The following VPS13B variants were observed in gnomAD, a reference collection of about 807,000 sequenced individuals.
VPS13B encodes intermembrane lipid transfer protein VPS13B.
VPS13B carries 285 observed loss-of-function variants against 426.4 expected under a neutral mutation model. That is an observed-to-expected ratio of 0.67 (90% CI 0.61 to 0.74). The LOEUF (loss-of-function observed/expected upper bound fraction) is 0.74, where lower values mean the gene tolerates loss of function less well. Ranked by LOEUF, VPS13B falls within the 30% of genes least tolerant of loss-of-function variation. VPS13B has a pLI of 0.00. For synonymous variants in VPS13B, 1,676 were observed against 1,676.4 expected (o/e 1.00, Z 0.01); for missense variants, 4,537 against 4,782.6 (o/e 0.95, Z 1.51).
intron 7 of VPS13B, among the ~76,000 whole-genome samples, chr8:99,116,217 A>G (rs1847646591): frequency 6.7e-6 from 1 of 149,016 alleles, no homozygotes; most frequent in South Asian, 2.1e-4. Flanking sequence ...TTTTTTTAGT[A>G]GAGATGGGTT....
intron 60 of VPS13B, 104 bp downstream of exon 60, chr8:99,870,991 G>T: frequency 6.8e-6 from 8 of 1,171,420 alleles, no homozygotes. Flanking sequence ...GAGCCCAGGA[G>T]TAGCCATTGT....
chr8:99,431,460 C>G, intron 21 of VPS13B, 77 bp from the exon 22 acceptor site: 1 of 1,538,442 alleles, frequency 6.5e-7, no homozygotes, highest in South Asian at 1.2e-5. Flanking sequence ...AAGAAACAAT[C>G]TTGAAAATAC....
chr8:99,219,540 T>C (rs767962234), intron 17 of VPS13B, among the ~76,000 whole-genome samples: 2 of 152,260 alleles, frequency 1.3e-5, no homozygotes, highest in Non-Finnish European at 2.9e-5. Context: ...ATCATAGTTC[T>C]GGAGGCTGAG....
Position 99,784,495 on chromosome 8 carries a change from T to C in VPS13B, c.7941+19T>C. ...CCCACAGGTATTTGAGAAACACCCT[T>C]ACAAACAGCCATTGTTAAGGTTGGG... On this transcript the variant is annotated intron_variant, in intron 43 of 61. Coordinates refer to ENST00000357162, the MANE Select transcript of VPS13B (RefSeq NM_152564.5). The C allele has an allele frequency of 6.2e-7, 1 of 1,613,446 alleles. No individual in the cohort carries two copies. Among genetic ancestry groups the C allele is most frequent in the Non-Finnish European group, 8.5e-7 (1 of 1,179,520 alleles).
At chr8:99,248,859 C>T (rs76071379) in intron 17 of VPS13B, among the ~76,000 whole-genome samples, 1 of 152,168 alleles carries the variant, frequency 6.6e-6, no homozygotes, top group African/African-American at 2.4e-5. Context: ...TTGAGCTTCT[C>T]CCCCACTCCC....
chr8:99,624,811 T>C lies in VPS13B; in HGVS notation c.5221-17000T>C, dbSNP rs1409542995. ...TGTTGTCCTTGTCCTTATTTTGCTTTTTTTTTTTTTTTTCCCCCTTCCTGA... is the reference window on the plus strand; with the variant it reads ...TGTTGTCCTTGTCCTTATTTTGCTTCTTTTTTTTTTTTTCCCCCTTCCTGA... On this transcript the variant is annotated intron_variant, in intron 33 of 61. Coordinates refer to ENST00000357162, the MANE Select transcript of VPS13B (RefSeq NM_152564.5). 2.7e-5 allele frequency among the ~76,000 whole-genome samples: 3 copies of C among 112,594 alleles called. No homozygotes were observed. The East Asian group carries it at 1.6e-3, about 60-fold the overall frequency. 73.9% of individuals were successfully genotyped at this position (112,594 alleles called of 152,430 possible). A position where few individuals can be genotyped will look rare whatever the true frequency, so the allele number is the denominator to read the frequency against.
chr8:99,717,357 G>A lies in VPS13B; in HGVS notation c.6641G>A (p.Arg2214Lys), dbSNP rs1297912786. 6.2e-7 allele frequency: 1 copy of A among 1,613,970 alleles called. No individual in the cohort carries two copies. The highest frequency in any genetic ancestry group is 8.5e-7 in the Non-Finnish European group (1 of 1,179,942). The change falls in exon 37 of 62, where the codon AGA (arginine) becomes AAA (lysine). Residue 2214 changes from arginine (R) to lysine (K), a missense_variant. Coordinates refer to ENST00000357162, the MANE Select transcript of VPS13B (RefSeq NM_152564.5). ...ATACCAAAAATATCCATTGACTTAA[G>A]AGGAGGTCTACTACAGGTCTGTGGG... is the stretch of plus-strand genomic sequence containing the variant. ...QSIPKISIDL[R>K]GGLLQVFWGQ...
intron 19 of VPS13B, among the ~76,000 whole-genome samples, chr8:99,380,693 T>G (rs1190301645): frequency 1.3e-5 from 2 of 148,828 alleles, no homozygotes; most frequent in Non-Finnish European, 3.0e-5. Flanking sequence ...CCTTCATCCT[T>G]TTATCTGTCT....
chr8:99,641,653 T>C (rs1196679309), intron 33 of VPS13B, among the ~76,000 whole-genome samples, 158 bp from the exon 34 acceptor site: 1 of 152,214 alleles, frequency 6.6e-6, no homozygotes, highest in Non-Finnish European at 1.5e-5. Flanking sequence ...GGGTCTGGTG[T>C]AGAAAATGGG....
intron 44 of VPS13B, among the ~76,000 whole-genome samples, chr8:99,814,390 T>C (rs1813898977): frequency 6.6e-6 from 1 of 152,190 alleles, no homozygotes; most frequent in African/African-American, 2.4e-5. Flanking sequence ...TGGTTCAGTA[T>C]TGGCTAAGCA....
intron 30 of VPS13B, among the ~76,000 whole-genome samples, chr8:99,534,059 C>A (rs1823066635): frequency 6.6e-6 from 1 of 152,126 alleles, no homozygotes; most frequent in South Asian, 2.1e-4. Flanking sequence ...AAATAATTCC[C>A]TTTTAGTAAG....
chr8:99,641,304 T>C (rs944442479), intron 33 of VPS13B, among the ~76,000 whole-genome samples: 1 of 152,210 alleles, frequency 6.6e-6, no homozygotes, highest in African/African-American at 2.4e-5. Flanking sequence ...TTGTCCTTCA[T>C]AATTTAGGAC....
rs1467925133 is a variant in VPS13B, at chr8:99,868,029, T to C, written c.11216-260T>C. ...ATGACACTCTGAATAGCCTGACAGG[T>C]TTGTTAAATTCTGAACTAAACTTCA... On this transcript the variant is annotated intron_variant, in intron 58 of 61. Coordinates refer to ENST00000357162, the MANE Select transcript of VPS13B (RefSeq NM_152564.5). 1.6e-5 allele frequency: 7 copies of C among 435,050 alleles called. No homozygotes were observed. The East Asian group carries it at 3.0e-4, about 18-fold the overall frequency. 26.9% of individuals were successfully genotyped at this position (435,050 alleles called of 1,614,324 possible).
intron 19 of VPS13B, among the ~76,000 whole-genome samples, chr8:99,373,761 G>T (rs1431103110): frequency 1.3e-5 from 2 of 152,148 alleles, no homozygotes; most frequent in African/African-American, 4.8e-5. Flanking sequence ...AGGATCACTT[G>T]AAGATGGGAG....
chr8:99,360,254 C>T (rs1374300059), intron 19 of VPS13B, among the ~76,000 whole-genome samples: 1 of 136,526 alleles, frequency 7.3e-6, no homozygotes, highest in Admixed American at 7.5e-5. Flanking sequence ...TTCCTTCCTT[C>T]CTTCCTTCCT....
intron 3 of VPS13B, among the ~76,000 whole-genome samples, chr8:99,080,539 A>G (rs923443581): frequency 3.9e-5 from 6 of 152,118 alleles, no homozygotes; most frequent in Non-Finnish European, 7.4e-5. Flanking sequence ...CCATGTATCC[A>G]TATATATCAC....
At chr8:99,786,747 A>C (rs1042138395) in intron 43 of VPS13B, among the ~76,000 whole-genome samples, 2 of 152,182 alleles carry the variant, frequency 1.3e-5, no homozygotes, top group African/African-American at 4.8e-5. Flanking sequence ...AAACCTAGAT[A>C]ACCTAGATAA....
At chr8:99,387,016 C>T (rs1422210156) in intron 20 of VPS13B, among the ~76,000 whole-genome samples, 1 of 152,110 alleles carries the variant, frequency 6.6e-6, no homozygotes, top group Non-Finnish European at 1.5e-5. Context: ...CATAACCCCA[C>T]TCATTCAGAG....
intron 35 of VPS13B, chr8:99,696,063 A>T (rs1369823286): frequency 1.3e-5 from 2 of 154,384 alleles, no homozygotes; most frequent in Non-Finnish European, 2.9e-5. Flanking sequence ...TTCAGAGGCG[A>T]TCGCCATGGC....
Sources: allele counts gnomAD v4.1 joint callset (sites outside exome capture counted in the v4.1 genomes callset), GRCh38; gene constraint gnomAD v4.1.1; transcripts MANE v1.5; gene names NCBI Gene and HGNC (gene_info 2026-07-23, HGNC 2026-07-21).